TDRD9: variants seen among roughly 807,000 people sequenced by gnomAD.
TDRD9 encodes ATP-dependent RNA helicase TDRD9.
In TDRD9, 124 loss-of-function variants were observed where a neutral mutation model predicts 172.6. The observed-to-expected ratio is 0.72, with a 90% CI of 0.62 to 0.83. TDRD9 has a LOEUF of 0.83. Among genes scored for constraint, TDRD9 ranks in the 40% least tolerant of loss-of-function variants. The pLI, the probability that TDRD9 is intolerant of heterozygous loss-of-function variation, is 0.00. For synonymous variants in TDRD9, 619 were observed against 617.1 expected, an observed-to-expected ratio of 1.00 and a Z score of -0.05; for missense variants, 1,479 against 1,714.1, an observed-to-expected ratio of 0.86 and a Z score of 2.42.
intron 23 of TDRD9, among the ~76,000 whole-genome samples, chr14:104,020,118 G>A (rs61997591): frequency 0.26 from 39,034 of 152,068 alleles, 5,547 homozygotes; most frequent in Non-Finnish European, 0.33. Flanking sequence ...GAGGTCAGGT[G>A]CTGACTTTGA....
chr14:104,035,746 C>T (rs1457551295), intron 32 of TDRD9, among the ~76,000 whole-genome samples: 1 of 152,032 alleles, frequency 6.6e-6, no homozygotes, highest in Non-Finnish European at 1.5e-5. Flanking sequence ...TTCTGCTGGG[C>T]AGGATGGAAA....
intron 21 of TDRD9, 41 bp from the exon 22 acceptor site, chr14:104,015,940 A>C: frequency 7.1e-7 from 1 of 1,407,312 alleles, no homozygotes; most frequent in Non-Finnish European, 9.8e-7. Context: ...ATAACTGATA[A>C]AATAATGCTG....
At position 103,995,687 on chromosome 14, in the gene TDRD9, A is replaced by G. The variant is rs897855787; in HGVS notation, c.1321-63A>G. The G allele has an allele frequency of 6.9e-6, 10 of 1,448,492 alleles. No individual in the cohort carries two copies. The African/African-American group carries it at 1.1e-4, about 16-fold the overall frequency. The allele number at this position is 1,448,492 out of a possible 1,614,324, so 89.7% of individuals were successfully genotyped here. A position where few individuals can be genotyped will look rare whatever the true frequency, so the allele number is the denominator to read the frequency against. On this transcript the variant is annotated intron_variant, in intron 11 of 35. Transcript: ENST00000409874. ...TAAAATAATTTTTGCATTTTTGTAA[A>G]CTTTGCCTAATGATGTTCGGAATAT... is the stretch of plus-strand genomic sequence containing the variant.
chr14:104,051,269 C>T (rs527904181), intron 35 of TDRD9, among the ~76,000 whole-genome samples: 30 of 152,274 alleles, frequency 2.0e-4, no homozygotes, highest in Middle Eastern at 3.4e-3. Flanking sequence ...AGCTGCATCC[C>T]GATTGCACAA....
intron 24 of TDRD9, among the ~76,000 whole-genome samples, chr14:104,022,683 C>T (rs1241018833): frequency 3.3e-5 from 5 of 151,940 alleles, no homozygotes; most frequent in Admixed American, 6.6e-5. Context: ...GCCGAGATTG[C>T]ACCACTGCAC....
At chr14:103,979,927 G>A (rs1038270782) in intron 7 of TDRD9, among the ~76,000 whole-genome samples, 1 of 151,062 alleles carries the variant, frequency 6.6e-6, no homozygotes, top group African/African-American at 2.4e-5. Flanking sequence ...CTAGGCCGGA[G>A]TGCATTGGTG....
chr14:103,933,642 A>C (rs1218080417), intron 1 of TDRD9, among the ~76,000 whole-genome samples: 1 of 152,196 alleles, frequency 6.6e-6, no homozygotes, highest in East Asian at 1.9e-4. Context: ...TCCTGAGCTC[A>C]AGCAATCTGC....
chr14:104,028,859 T>A (rs2035199784), intron 28 of TDRD9, among the ~76,000 whole-genome samples: 1 of 152,218 alleles, frequency 6.6e-6, no homozygotes, highest in Non-Finnish European at 1.5e-5. Flanking sequence ...TTTTTGTATA[T>A]GTCAAGAGAT....
chr14:104,030,311 G>A (rs551835511), intron 28 of TDRD9, among the ~76,000 whole-genome samples: 64 of 152,274 alleles, frequency 4.2e-4, no homozygotes, highest in African/African-American at 1.2e-3. Context: ...TGACCAACAC[G>A]GTGAAATCCC....
chr14:103,941,802 T>G (rs2031254794), intron 1 of TDRD9: 2 of 816,062 alleles, frequency 2.5e-6, no homozygotes, highest in Middle Eastern at 3.2e-4. Context: ...AGTGCACGAT[T>G]TTTTTTCACA....
intron 32 of TDRD9, among the ~76,000 whole-genome samples, chr14:104,037,763 G>A (rs1483486234): frequency 6.6e-6 from 1 of 152,130 alleles, no homozygotes; most frequent in Admixed American, 6.5e-5. Flanking sequence ...ATAACTCAGG[G>A]TGACTGAGCC....
chr14:104,043,372 C>G (rs1270002933), intron 34 of TDRD9, among the ~76,000 whole-genome samples: 14 of 151,920 alleles, frequency 9.2e-5, no homozygotes, highest in Admixed American at 9.2e-4. Context: ...ATCCAAGTAG[C>G]TGGGATTACA....
At chr14:103,943,339 A>G (rs902771772) in intron 1 of TDRD9, among the ~76,000 whole-genome samples, 46 of 151,736 alleles carry the variant, frequency 3.0e-4, no homozygotes, top group African/African-American at 1.1e-3. Flanking sequence ...ATACACACGC[A>G]CATATGTACA....
chr14:104,031,468 G>GTTTTTTTTT (rs55696833), intron 29 of TDRD9, among the ~76,000 whole-genome samples: 3 of 105,102 alleles, frequency 2.9e-5, no homozygotes, highest in African/African-American at 7.1e-5. Context: ...GCTTTGACTA[G>GTTTTTTTTT]TTTTTTTTTT....
chr14:104,012,378 C>T (rs1448342787), intron 20 of TDRD9, among the ~76,000 whole-genome samples: 1 of 152,238 alleles, frequency 6.6e-6, no homozygotes, highest in Non-Finnish European at 1.5e-5. Context: ...CTGGATTACT[C>T]CTTTACTGCA....
chr14:103,941,412 C>T (rs779444599), intron 1 of TDRD9: 1 of 1,534,682 alleles, frequency 6.5e-7, no homozygotes, highest in South Asian at 1.2e-5. Context: ...GAGAATAGTT[C>T]CAGTTTGGCA....
intron 1 of TDRD9, among the ~76,000 whole-genome samples, chr14:103,950,042 TC>T (rs1265676266): frequency 9.8e-5 from 2 of 20,424 alleles, no homozygotes; most frequent in East Asian, 6.0e-3. Flanking sequence ...TTTCCTTCCT[TC>T]CCTTTTTTTT....
chr14:103,975,353 C>T (rs1273962316), intron 6 of TDRD9, 36 bp from the exon 7 acceptor site: 1 of 1,583,422 alleles, frequency 6.3e-7, no homozygotes, highest in African/African-American at 1.4e-5. Flanking sequence ...TGATGATTCT[C>T]ATTGTTTTAT....
intron 3 of TDRD9, among the ~76,000 whole-genome samples, chr14:103,963,428 A>T (rs572440261): frequency 6.6e-6 from 1 of 152,088 alleles, no homozygotes; most frequent in South Asian, 2.1e-4. Flanking sequence ...ATCTTCTAAC[A>T]TTTAGTTTAT....
Sources: gnomAD v4.1 joint callset for allele counts (sites outside exome capture counted in the v4.1 genomes callset) on GRCh38, gnomAD v4.1.1 for gene constraint, MANE v1.5 for transcripts, NCBI Gene and HGNC (gene_info 2026-07-23, HGNC 2026-07-21) for gene names.